The following NEURL1B variants were observed in gnomAD, a reference collection of about 807,000 sequenced individuals.
The protein encoded by NEURL1B is E3 ubiquitin-protein ligase NEURL1B.
Under a neutral mutation model 37.4 loss-of-function variants are expected in NEURL1B, and 13 were observed. That is an observed-to-expected ratio of 0.35 (90% CI 0.23 to 0.55). The LOEUF (loss-of-function observed/expected upper bound fraction) is 0.55. NEURL1B is among the 20% of genes least tolerant of loss of function. NEURL1B has a pLI of 0.89. For synonymous variants in NEURL1B, 432 were observed against 426.6 expected (o/e 1.01, Z -0.16); for missense variants, 790 against 879.2 (o/e 0.90, Z 1.28).
chr5:172,659,396 A>G (rs1458942619), intron 1 of NEURL1B, among the ~76,000 whole-genome samples: 1 of 152,068 alleles, frequency 6.6e-6, no homozygotes, highest in Non-Finnish European at 1.5e-5. Context: ...AAAGAGAAGG[A>G]GAAACGGTAG....
intron 3 of NEURL1B, among the ~76,000 whole-genome samples, chr5:172,685,678 A>C (rs1370226292): frequency 6.6e-6 from 1 of 152,160 alleles, no homozygotes; most frequent in Non-Finnish European, 1.5e-5. Context: ...TCTCTTTCCA[A>C]CTCAAAGCTC....
intron 1 of NEURL1B, among the ~76,000 whole-genome samples, chr5:172,668,728 A>T (rs1390654286): frequency 1.3e-5 from 2 of 152,142 alleles, no homozygotes; most frequent in Non-Finnish European, 2.9e-5. Flanking sequence ...AGAGCAGCAG[A>T]GATTCATGTA....
intron 2 of NEURL1B, among the ~76,000 whole-genome samples, chr5:172,682,589 T>A (rs971910407): frequency 5.9e-5 from 9 of 152,110 alleles, no homozygotes; most frequent in Admixed American, 3.3e-4. Flanking sequence ...AAAAAAAAAA[T>A]TTCTTTTCCC....
chr5:172,670,281 C>T lies in NEURL1B; in HGVS notation c.528C>T (p.Leu176=). The T allele has an allele frequency of 7.2e-7, 1 of 1,387,082 alleles. No homozygotes were observed. The highest frequency in any genetic ancestry group is 3.0e-5 in the East Asian group (1 of 33,336). 85.9% of individuals were successfully genotyped at this position (1,387,082 alleles called of 1,614,324 possible). A position where few individuals can be genotyped will look rare whatever the true frequency, so the allele number is the denominator to read the frequency against. Residue 176 remains leucine (L), a synonymous_variant, in exon 2 of 5, where the codon CTC becomes CTT. Transcript: ENST00000369800. ...GCGGCGTGGCCGTGGGCGGCCCGCT[C>T]TGGGCGCTCATTGATGTCTACGGCA... ...FHCGVAVGGP[L]WALIDVYGIT...
chr5:172,683,295 GTGGGGGCTGC>G lies in NEURL1B; in HGVS notation c.578-122_578-113del. 8.9e-7 allele frequency: 1 copy of G among 1,125,680 alleles called. No individual in the cohort carries two copies. Among genetic ancestry groups the G allele is most frequent in the Non-Finnish European group, 1.1e-6 (1 of 887,088 alleles). The allele number at this position is 1,125,680 out of a possible 1,614,324, so 69.7% of individuals were successfully genotyped here. A position where few individuals can be genotyped will look rare whatever the true frequency, so the allele number is the denominator to read the frequency against. On this transcript the variant is annotated intron_variant, in intron 2 of 4. Transcript: ENST00000369800. This position sits in a 1 kb window ranked among gnomAD's most constrained non-coding sequence, Gnocchi z 5.6. ...AAGGAGAGTTCGAAGCCGGGGTGGG[GTGGGGGCTGC>G]TCGAGGCCCGGGTCGGTCGTGGAGG...
At position 172,661,360 on chromosome 5, in the gene NEURL1B, A is replaced by G. The variant is rs1299232464; in HGVS notation, c.32-8425A>G. The stretch of plus-strand genomic sequence containing the variant: ...GTATGTTTCTGGCGGGGAAGCCTCT[A>G]TAGATTTTATTGCTTCTAACAAGGT... On this transcript the variant is annotated intron_variant, in intron 1 of 4. Transcript: ENST00000369800. This position sits in a 1 kb window ranked among gnomAD's most constrained non-coding sequence, Gnocchi z 4.0. Among the ~76,000 whole-genome samples, 17 of 152,104 alleles carry G rather than the reference A, an allele frequency of 1.1e-4. No individual in the cohort carries two copies. Among genetic ancestry groups the G allele is most frequent in the South Asian group, 2.1e-4 (1 of 4,814 alleles).
In NEURL1B at chr5:172,656,857, G is replaced by GTCCC. The variant is rs918106994; in HGVS notation, c.32-12917_32-12914dup. On this transcript the variant is annotated intron_variant, in intron 1 of 4. Transcript: ENST00000369800. ...CATCTTTAGGATGGGGATAATGACAGTCCCTCCCTCCCTCATGGGGCTGCG... is the reference window on the plus strand; with the variant it reads ...CATCTTTAGGATGGGGATAATGACAGTCCCTCCCTCCCTCCCTCATGGGGCTGCG... 2.0e-4 allele frequency: 118 copies of GTCCC among 598,576 alleles called. No homozygotes were observed. In the East Asian group the frequency reaches 2.1e-3, roughly 11 times the overall value. 37.1% of individuals were successfully genotyped at this position (598,576 alleles called of 1,614,324 possible).
chr5:172,674,266 CAA>C (rs1758186346), intron 2 of NEURL1B, among the ~76,000 whole-genome samples: 1 of 152,156 alleles, frequency 6.6e-6, no homozygotes, highest in Non-Finnish European at 1.5e-5. Context: ...GCCCTCGAGC[CAA>C]AGTCTCAGAA....
intron 2 of NEURL1B, among the ~76,000 whole-genome samples, chr5:172,677,485 A>G (rs1758253028): frequency 1.3e-5 from 2 of 152,280 alleles, no homozygotes; most frequent in South Asian, 4.1e-4. Context: ...CACAGCCAGA[A>G]TTGGCCAGGG....
At chr5:172,659,972 G>A (rs1757864238) in intron 1 of NEURL1B, among the ~76,000 whole-genome samples, 1 of 152,254 alleles carries the variant, frequency 6.6e-6, no homozygotes. Context: ...GTCTGCTTAT[G>A]TCCATCCTTG....
At position 172,683,774 on chromosome 5, in the gene NEURL1B, C is replaced by G. The variant is rs1023648707; in HGVS notation, c.933C>G (p.Val311=). 9.2e-6 allele frequency: 12 copies of G among 1,303,102 alleles called. No homozygotes were observed. In the Admixed American group the frequency reaches 4.3e-4, roughly 46 times the overall value. The allele number at this position is 1,303,102 out of a possible 1,614,324, so 80.7% of individuals were successfully genotyped here. A position where few individuals can be genotyped will look rare whatever the true frequency, so the allele number is the denominator to read the frequency against. Residue 311 remains valine (V), a synonymous_variant, in exon 3 of 5, where the codon GTC becomes GTG. Transcript: ENST00000369800. This position sits in a 1 kb window ranked among gnomAD's most constrained non-coding sequence, Gnocchi z 5.6. ...GGCCCGACGGCGGCCGCACGCTGGT[C>G]TTCTCCGAGCGCCCGCTGCGGCCCG... ...APRPDGGRTL[V]FSERPLRPGE... is the part of the protein sequence containing the mutation.
At chr5:172,681,274 A>G (rs1758345723) in intron 2 of NEURL1B, among the ~76,000 whole-genome samples, 1 of 152,234 alleles carries the variant, frequency 6.6e-6, no homozygotes, top group South Asian at 2.1e-4. Flanking sequence ...AAAACTAGAT[A>G]ATACAGAAAA....
intron 1 of NEURL1B, among the ~76,000 whole-genome samples, chr5:172,652,503 G>A (rs1757685436): frequency 6.6e-6 from 1 of 152,222 alleles, no homozygotes; most frequent in African/African-American, 2.4e-5. Context: ...ATGAATGTAT[G>A]GTTTTTAGGA....
In NEURL1B at chr5:172,686,169, A is replaced by T; in HGVS notation, c.1298-2A>T. ...CCCTGATGGAATCTCTTTGGGCCTC[A>T]GGTACCCTGCAGTCCAGCCCTGCGA... On this transcript the variant is annotated splice_acceptor_variant, in intron 3 of 4. Transcript: ENST00000369800. LOFTEE classifies it high-confidence loss of function. This position sits in a 1 kb window ranked among gnomAD's most constrained non-coding sequence, Gnocchi z 7.9. The T allele has an allele frequency of 6.4e-7, 1 of 1,551,500 alleles. No individual in the cohort carries two copies. Among genetic ancestry groups the T allele is most frequent in the Non-Finnish European group, 8.7e-7 (1 of 1,146,918 alleles).
At chr5:172,672,538 T>TTTC (rs1554098429) in intron 2 of NEURL1B, among the ~76,000 whole-genome samples, 1 of 65,478 alleles carries the variant, frequency 1.5e-5, no homozygotes, top group African/African-American at 1.0e-4. Flanking sequence ...TGAGGTGAAC[T>TTTC]CTCCCCCCCC....
At chr5:172,684,400 GT>G (rs1758441916) in intron 3 of NEURL1B, among the ~76,000 whole-genome samples, 3 of 151,972 alleles carry the variant, frequency 2.0e-5, no homozygotes, top group African/African-American at 7.3e-5. Flanking sequence ...AGATGCTGAC[GT>G]TGCGGCTCTC....
intron 1 of NEURL1B, among the ~76,000 whole-genome samples, chr5:172,664,551 G>T (rs889113240): frequency 1.3e-5 from 2 of 152,166 alleles, no homozygotes; most frequent in African/African-American, 4.8e-5. Context: ...TGTTGTGTTT[G>T]TTGCAGCAAT....
At chr5:172,682,588 A>T (rs562481098) in intron 2 of NEURL1B, among the ~76,000 whole-genome samples, 60 of 152,240 alleles carry the variant, frequency 3.9e-4, no homozygotes, top group African/African-American at 1.4e-3. Context: ...AAAAAAAAAA[A>T]TTTCTTTTCC....
chr5:172,649,345 C>CTTTTT (rs70984904), intron 1 of NEURL1B, among the ~76,000 whole-genome samples: 7 of 65,226 alleles, frequency 1.1e-4, no homozygotes, highest in East Asian at 5.8e-4. Context: ...CCCTTCACTT[C>CTTTTT]TTTTTTTTTT....
Sources: allele counts gnomAD v4.1 joint callset (sites outside exome capture counted in the v4.1 genomes callset), GRCh38; gene constraint gnomAD v4.1.1; non-coding constraint Gnocchi (gnomAD v3.1); transcripts MANE v1.5; gene names NCBI Gene and HGNC (gene_info 2026-07-23, HGNC 2026-07-21).